Variants in PRDM5 observed in about 807,000 individuals in gnomAD.
The protein encoded by PRDM5 is PR domain zinc finger protein 5.
A neutral mutation model predicts 81.2 loss-of-function variants in PRDM5; 56 were observed. The ratio of observed to expected loss-of-function variants is 0.69; its 90% CI spans 0.56 to 0.86. The LOEUF is 0.86. Among genes scored for constraint, PRDM5 ranks in the 40% least tolerant of loss-of-function variants. The pLI, the probability that PRDM5 is intolerant of heterozygous loss-of-function variation, is 0.00. For missense variants in PRDM5, 697 were observed against 770.1 expected, an observed-to-expected ratio of 0.91 and a Z score of 1.12; for synonymous variants, 267 against 256.4, an observed-to-expected ratio of 1.04 and a Z score of -0.39.
At position 120,816,922 on chromosome 4, in the gene PRDM5, A is replaced by G. The variant is rs1018569169; in HGVS notation, c.653T>C (p.Val218Ala). 2.5e-6 allele frequency: 4 copies of G among 1,609,918 alleles called. No homozygotes were observed. Among genetic ancestry groups the G allele is most frequent in the Non-Finnish European group, 3.4e-6 (4 of 1,176,196 alleles). The change falls in exon 6 of 16, where the codon GTT becomes GCT. Residue 218 changes from valine (V) to alanine (A), a missense_variant and splice_region_variant. By Grantham distance (64) the Val-to-Ala change is moderately conservative. This residue lies in a region of PRDM5 where 577 missense variants were observed against 606.7 expected (regional missense o/e 0.95). Coordinates refer to ENST00000264808, the MANE Select transcript of PRDM5 (RefSeq NM_018699.4). ...FPVKQALQRHVLQCTAKSSLK... is the reference protein window; with the variant it reads ...FPVKQALQRHALQCTAKSSLK... ...ACTGCTTTTCGCTGTGCACTGAAGAACACTAAAGGGAAATAGGAAAAAGAG... is the reference window on the plus strand; with the variant it reads ...ACTGCTTTTCGCTGTGCACTGAAGAGCACTAAAGGGAAATAGGAAAAAGAG...
At chr4:120,747,696 T>C (rs1050842005) in intron 14 of PRDM5, among the ~76,000 whole-genome samples, 2 of 152,270 alleles carry the variant, frequency 1.3e-5, no homozygotes, top group East Asian at 1.9e-4. Flanking sequence ...AGAAAGTTCA[T>C]GAAAGAAAAT....
intron 7 of PRDM5, among the ~76,000 whole-genome samples, chr4:120,814,608 A>G (rs934311338): frequency 6.6e-6 from 1 of 152,200 alleles, no homozygotes; most frequent in African/African-American, 2.4e-5. Context: ...ACCTTAACAA[A>G]AAAACATTTG....
rs1734372137 is a variant in PRDM5, at chr4:120,695,143, T to C, written c.1861A>G (p.Met621Val). 4 of 1,613,388 alleles carry C rather than the reference T, an allele frequency of 2.5e-6. No individual in the cohort carries two copies. The highest frequency in any genetic ancestry group is 2.5e-6 in the Non-Finnish European group (3 of 1,179,412). ...FTRNDYLKVH[M>V]DNIHGVADS ...TCAGCTACACCATGGATATTGTCCA[T>C]GTGCACTTTGAGGTAGTCATTCCTT... Residue 621 changes from methionine (M) to valine (V), a missense_variant, in exon 16 of 16, where the codon ATG (methionine) becomes GTG (valine). Met to Val is a conservative substitution (Grantham distance 21). Coordinates refer to ENST00000264808, the MANE Select transcript of PRDM5 (RefSeq NM_018699.4).
chr4:120,692,894 T>G lies in PRDM5; in HGVS notation c.*2217A>C, dbSNP rs1284624999. On this transcript the variant is annotated 3_prime_UTR_variant, in exon 16 of 16. Transcript: ENST00000264808. ...GGTTATTACTAAGTAATTTAAAAGT[T>G]TTAGCAAGCAAATGCTAATATATCT... 1 of 152,120 alleles carries G rather than the reference T, an allele frequency of 6.6e-6. No homozygotes were observed. The highest frequency in any genetic ancestry group is 1.9e-4 in the East Asian group (1 of 5,200). The allele number at this position is 152,120 out of a possible 1,614,324, so 9.4% of individuals were successfully genotyped here.
chr4:120,903,167 G>C (rs1387366853), intron 2 of PRDM5, among the ~76,000 whole-genome samples: 1 of 152,070 alleles, frequency 6.6e-6, no homozygotes, highest in Non-Finnish European at 1.5e-5. Context: ...ATTTTTTTGA[G>C]AAGGACTACT....
intron 2 of PRDM5, among the ~76,000 whole-genome samples, chr4:120,887,009 G>C (rs1763513563): frequency 6.6e-6 from 1 of 151,012 alleles, no homozygotes. Flanking sequence ...GCAGTGGCCT[G>C]ATCTCGGCTC....
At chr4:120,778,952 T>A (rs570169204) in intron 12 of PRDM5, among the ~76,000 whole-genome samples, 2 of 152,310 alleles carry the variant, frequency 1.3e-5, no homozygotes, top group South Asian at 4.1e-4. Context: ...CCAATTTGTG[T>A]TTCATTATTG....
intron 10 of PRDM5, among the ~76,000 whole-genome samples, chr4:120,788,597 T>C (rs1750105259): frequency 6.6e-6 from 1 of 152,228 alleles, no homozygotes; most frequent in Admixed American, 6.5e-5. Flanking sequence ...ACTATATTCC[T>C]CCCTAATTCA....
At chr4:120,919,556 T>C (rs1724633667) in intron 1 of PRDM5, among the ~76,000 whole-genome samples, 1 of 152,202 alleles carries the variant, frequency 6.6e-6, no homozygotes, top group Non-Finnish European at 1.5e-5. Flanking sequence ...CACTGGTGGT[T>C]AATCATATAA....
chr4:120,828,488 A>T (rs948481408), intron 3 of PRDM5, among the ~76,000 whole-genome samples: 1 of 152,112 alleles, frequency 6.6e-6, no homozygotes, highest in Non-Finnish European at 1.5e-5. Context: ...GAGAACTAGA[A>T]TAATCAGGTC....
chr4:120,753,237 C>T (rs1435944615), intron 14 of PRDM5, among the ~76,000 whole-genome samples: 1 of 152,162 alleles, frequency 6.6e-6, no homozygotes, highest in African/African-American at 2.4e-5. Flanking sequence ...ACCTCCTAAT[C>T]TCAAGCTAAT....
At chr4:120,802,353 T>A (rs1433073564) in intron 8 of PRDM5, among the ~76,000 whole-genome samples, 1 of 152,178 alleles carries the variant, frequency 6.6e-6, no homozygotes, top group African/African-American at 2.4e-5. Context: ...GATTTCTGCA[T>A]TTCCAACTGA....
Position 120,818,402 on chromosome 4 carries a change from AC to A in PRDM5, c.600del (p.Lys200AsnfsTer28). 6.2e-7 allele frequency: 1 copy of A among 1,614,100 alleles called. No individual in the cohort carries two copies. The highest frequency in any genetic ancestry group is 8.5e-7 in the Non-Finnish European group (1 of 1,179,978). ...HQKPTEEKEF[K>X]CKNCGKKFPV... The stretch of plus-strand genomic sequence containing the variant: ...GGGAATTTCTTCCCACAGTTCTTGC[AC>A]TTAAATTCTTTCTCCTCTGTGGGTT... On this transcript the variant is annotated frameshift_variant, in exon 5 of 16. Coordinates refer to ENST00000264808, the MANE Select transcript of PRDM5 (RefSeq NM_018699.4). LOFTEE classifies it high-confidence loss of function.
At chr4:120,892,038 T>C (rs904377015) in intron 2 of PRDM5, among the ~76,000 whole-genome samples, 1 of 152,220 alleles carries the variant, frequency 6.6e-6, no homozygotes, top group East Asian at 1.9e-4. Context: ...AAAGAATTTC[T>C]TGATTTTGGC....
chr4:120,889,610 T>C (rs1214238400), intron 2 of PRDM5, among the ~76,000 whole-genome samples: 1 of 152,212 alleles, frequency 6.6e-6, no homozygotes, highest in Non-Finnish European at 1.5e-5. Context: ...CAGGGACATA[T>C]GCACACACAA....
intron 7 of PRDM5, 58 bp downstream of exon 7, chr4:120,816,395 T>A: frequency 6.2e-7 from 1 of 1,613,600 alleles, no homozygotes; most frequent in South Asian, 1.1e-5. Context: ...TAAAAACAGA[T>A]CGCTGCAGCC....
At chr4:120,920,680 T>C (rs961547530) in intron 1 of PRDM5, among the ~76,000 whole-genome samples, 4 of 152,168 alleles carry the variant, frequency 2.6e-5, no homozygotes, top group Non-Finnish European at 5.9e-5. Context: ...TGACTGAATA[T>C]TTTGGGATCA....
intron 2 of PRDM5, among the ~76,000 whole-genome samples, chr4:120,873,000 A>G (rs1383122670): frequency 2.2e-5 from 3 of 135,058 alleles, no homozygotes; most frequent in Admixed American, 1.7e-4. Context: ...TTTTTACCAT[A>G]TTTTTTATTT....
At chr4:120,815,237 T>C (rs57275042) in intron 7 of PRDM5, among the ~76,000 whole-genome samples, 5 of 151,418 alleles carry the variant, frequency 3.3e-5, no homozygotes, top group African/African-American at 1.2e-4. Context: ...ATCAAAAAGT[T>C]ATGCTTGCCT....
Sources: gnomAD v4.1 joint callset for allele counts (sites outside exome capture counted in the v4.1 genomes callset) on GRCh38, gnomAD v4.1.1 for gene constraint, gnomAD v4.1.1 regional missense constraint, MANE v1.5 for transcripts, NCBI Gene and HGNC (gene_info 2026-07-23, HGNC 2026-07-21) for gene names.